The following PSMC2 variants were observed in gnomAD, a reference collection of about 807,000 sequenced individuals.
PSMC2 encodes 26S proteasome regulatory subunit 7.
A neutral mutation model predicts 53.3 loss-of-function variants in PSMC2; 7 were observed. The ratio of observed to expected loss-of-function variants is 0.13; its 90% CI spans 0.07 to 0.25. The LOEUF is 0.25. Among genes scored for constraint, PSMC2 ranks in the 10% least tolerant of loss-of-function variants. The pLI, the probability that PSMC2 is intolerant of heterozygous loss-of-function variation, is 1.00. For missense variants in PSMC2, 241 were observed against 544.0 expected (o/e 0.44, Z 5.54); for synonymous variants, 169 against 183.9 (o/e 0.92, Z 0.66).
chr7:103,362,142 CA>C (rs531421652), intron 5 of PSMC2, 54 bp downstream of exon 5: 8 of 1,602,658 alleles, frequency 5.0e-6, no homozygotes, highest in Non-Finnish European at 6.0e-6. Context: ...TACTGTCTCA[CA>C]TTCATATCCT....
At chr7:103,356,584 C>A (rs1820046602) in intron 4 of PSMC2, among the ~76,000 whole-genome samples, 1 of 152,100 alleles carries the variant, frequency 6.6e-6, no homozygotes, top group Admixed American at 6.5e-5. Flanking sequence ...ATGATAGCTA[C>A]TTCTTTTGTT....
At chr7:103,355,640 A>AT in intron 3 of PSMC2, 54 bp from the exon 4 acceptor site, 5 of 1,340,362 alleles carry the variant, frequency 3.7e-6, no homozygotes, top group Non-Finnish European at 5.3e-6. Context: ...TAGAAAGCTT[A>AT]TTATAGGGTG....
At chr7:103,362,303 T>C (rs1820458198) in intron 5 of PSMC2, 3 of 1,387,614 alleles carry the variant, frequency 2.2e-6, no homozygotes, top group Admixed American at 6.7e-5. Flanking sequence ...TTGTTTATTA[T>C]GAATGGCTTC....
upstream of PSMC2, chr7:103,347,565 G>A (rs570499945): frequency 4.1e-5 from 34 of 825,020 alleles, no homozygotes; most frequent in African/African-American, 3.0e-4. Context: ...GTTTCCCCAG[G>A]GCTCTGTCCG....
intron 3 of PSMC2, 39 bp from the exon 4 acceptor site, chr7:103,355,655 A>G (rs1819991166): frequency 3.4e-6 from 5 of 1,486,554 alleles, no homozygotes; most frequent in Non-Finnish European, 4.7e-6. Context: ...AGGGTGATGC[A>G]TTACATTTTA....
intron 4 of PSMC2, among the ~76,000 whole-genome samples, chr7:103,357,514 T>C (rs956214617): frequency 6.6e-6 from 1 of 152,176 alleles, no homozygotes; most frequent in African/African-American, 2.4e-5. Context: ...TTTTTAGTTT[T>C]AGGTATTATC....
At chr7:103,365,683 A>G (rs1272679095) in intron 8 of PSMC2, among the ~76,000 whole-genome samples, 1 of 152,116 alleles carries the variant, frequency 6.6e-6, no homozygotes, top group Non-Finnish European at 1.5e-5. Context: ...TAATCCCAGC[A>G]CTTTGGGAGG....
chr7:103,354,899 A>C lies in PSMC2; in HGVS notation c.140A>C (p.Gln47Pro). Residue 47 changes from glutamine (Q) to proline (P), a missense_variant, in exon 3 of 12, where the codon CAA becomes CCA. Transcript: ENST00000292644. ...AGCACTTACTCTAGGCAGATCAAGC[A>C]AGTTGAAGATGACATTCAGCAACTT... ...GQSTYSRQIK[Q>P]VEDDIQQLLK... 6.2e-7 allele frequency: 1 copy of C among 1,613,608 alleles called. No individual in the cohort carries two copies. Among genetic ancestry groups the C allele is most frequent in the Non-Finnish European group, 8.5e-7 (1 of 1,179,660 alleles).
intron 3 of PSMC2, among the ~76,000 whole-genome samples, chr7:103,355,239 T>C (rs528220587): frequency 3.3e-5 from 5 of 152,302 alleles, no homozygotes; most frequent in African/African-American, 1.2e-4. Context: ...GTCAAAAAAC[T>C]TTTTTGGATA....
At chr7:103,351,270 G>A (rs529552215) in intron 1 of PSMC2, among the ~76,000 whole-genome samples, 1 of 152,282 alleles carries the variant, frequency 6.6e-6, no homozygotes, top group African/African-American at 2.4e-5. Flanking sequence ...ATGTATTTTA[G>A]TGAAAGGATA....
At chr7:103,366,997 GT>G (rs1181540477) in intron 9 of PSMC2, among the ~76,000 whole-genome samples, 1 of 152,076 alleles carries the variant, frequency 6.6e-6, no homozygotes, top group Non-Finnish European at 1.5e-5. Flanking sequence ...TAGAGACGTG[GT>G]TTCACCATGT....
Position 103,362,764 on chromosome 7 carries a change from A to G in PSMC2, c.495+6A>G. 6.4e-7 allele frequency: 1 copy of G among 1,572,878 alleles called. No homozygotes were observed. Among genetic ancestry groups the G allele is most frequent in the Non-Finnish European group, 8.7e-7 (1 of 1,146,006 alleles). ...CAACAGTTACCATGATGCAGGTAAGAAACTATGGGAGGGAAAAGGAAGGCT... is the reference window on the plus strand; with the variant it reads ...CAACAGTTACCATGATGCAGGTAAGGAACTATGGGAGGGAAAAGGAAGGCT... On this transcript the variant is annotated splice_donor_region_variant and intron_variant, in intron 6 of 11. Coordinates refer to ENST00000292644, the MANE Select transcript of PSMC2 (RefSeq NM_002803.4).
At chr7:103,365,081 AG>A (rs1297797623) in intron 8 of PSMC2, among the ~76,000 whole-genome samples, 1 of 151,134 alleles carries the variant, frequency 6.6e-6, no homozygotes, top group Non-Finnish European at 1.5e-5. Context: ...GCGTGAGTTG[AG>A]GTATCCTTTT....
At chr7:103,352,215 T>TAAA (rs769618353) in intron 1 of PSMC2, among the ~76,000 whole-genome samples, 10,360 of 40,656 alleles carry the variant, frequency 0.25, 2,834 homozygotes, top group Middle Eastern at 0.35. Context: ...CATACTTAGT[T>TAAA]AAAAAAAAAA....
At chr7:103,353,361 C>T (rs757134970) in intron 1 of PSMC2, among the ~76,000 whole-genome samples, 3 of 152,084 alleles carry the variant, frequency 2.0e-5, no homozygotes, top group African/African-American at 7.2e-5. Context: ...GGCTGGAGTG[C>T]GGTGATGTGA....
rs1171515649 is a variant in PSMC2, at chr7:103,354,725, T to C, written c.109-143T>C. On this transcript the variant is annotated intron_variant, in intron 2 of 11. Coordinates refer to ENST00000292644, the MANE Select transcript of PSMC2 (RefSeq NM_002803.4). ...TGGATTGTGTATTTAGGGGGAAATA[T>C]TGGGTCAGGAATACCTCTCTACTTC... 8.4e-6 allele frequency: 5 copies of C among 598,132 alleles called. No individual in the cohort carries two copies. The Admixed American group carries it at 9.1e-5, about 11-fold the overall frequency. The allele number at this position is 598,132 out of a possible 1,614,324, so 37.1% of individuals were successfully genotyped here.
chr7:103,365,831 G>C (rs1563496735), intron 8 of PSMC2, among the ~76,000 whole-genome samples: 1 of 152,106 alleles, frequency 6.6e-6, no homozygotes, highest in Non-Finnish European at 1.5e-5. Flanking sequence ...GGGAGGCTGA[G>C]GTAGGGGAAT....
intron 1 of PSMC2, chr7:103,348,455 G>A (rs984635592): frequency 1.2e-5 from 6 of 496,696 alleles, no homozygotes; most frequent in African/African-American, 7.7e-5. Flanking sequence ...TTCCTATCAT[G>A]TAGTCACTTC....
intron 8 of PSMC2, among the ~76,000 whole-genome samples, chr7:103,365,381 T>C (rs148939216): frequency 0.064 from 9,749 of 152,078 alleles, 471 homozygotes; most frequent in African/African-American, 0.14. Flanking sequence ...CCTGTAATCC[T>C]AGCACTTTGG....
Sources: gnomAD v4.1 joint callset for allele counts (sites outside exome capture counted in the v4.1 genomes callset) on GRCh38, gnomAD v4.1.1 for gene constraint, MANE v1.5 for transcripts, NCBI Gene and HGNC (gene_info 2026-07-23, HGNC 2026-07-21) for gene names.